The following NCKAP5 variants were observed in gnomAD, a reference collection of about 807,000 sequenced individuals.
NCKAP5 encodes NCK associated protein 5.
In NCKAP5, 92 loss-of-function variants were observed where a neutral mutation model predicts 167.0. The observed-to-expected ratio is 0.55, with a 90% CI of 0.47 to 0.66. NCKAP5 has a LOEUF of 0.66. Among genes scored for constraint, NCKAP5 ranks in the 30% least tolerant of loss-of-function variants. The pLI, the probability that NCKAP5 is intolerant of heterozygous loss-of-function variation, is 0.00. For synonymous variants in NCKAP5, 891 were observed against 877.4 expected (o/e 1.02, Z -0.27); for missense variants, 2,378 against 2,315.0 (o/e 1.03, Z -0.56).
intron 3 of NCKAP5, among the ~76,000 whole-genome samples, chr2:133,430,050 T>C (rs1201973057): frequency 6.6e-6 from 1 of 152,200 alleles, no homozygotes; most frequent in East Asian, 1.9e-4. Context: ...ATTGTGGTTT[T>C]GATTTCCATC....
chr2:132,766,096 A>C (rs2104896431), intron 16 of NCKAP5, among the ~76,000 whole-genome samples: 1 of 152,114 alleles, frequency 6.6e-6, no homozygotes, highest in East Asian at 1.9e-4. Context: ...CCTAGCCAAC[A>C]TGGTGAAACC....
At chr2:133,351,322 C>T (rs1057395538) in intron 3 of NCKAP5, among the ~76,000 whole-genome samples, 4 of 152,136 alleles carry the variant, frequency 2.6e-5, no homozygotes, top group African/African-American at 7.2e-5. Flanking sequence ...TGGAATGAGA[C>T]GGGCCCAAGT....
intron 3 of NCKAP5, among the ~76,000 whole-genome samples, chr2:133,371,930 T>C (rs1023620920): frequency 2.6e-5 from 4 of 152,188 alleles, no homozygotes; most frequent in Admixed American, 2.6e-4. Context: ...CAAATGCCTT[T>C]ATGCAACCGT....
chr2:133,392,471 C>A (rs142281327), intron 3 of NCKAP5, among the ~76,000 whole-genome samples: 1 of 152,132 alleles, frequency 6.6e-6, no homozygotes, highest in African/African-American at 2.4e-5. Context: ...CTGTAGTATA[C>A]GACTTTAAAA....
intron 6 of NCKAP5, among the ~76,000 whole-genome samples, chr2:133,024,582 A>G (rs2078633244): frequency 6.6e-6 from 1 of 152,250 alleles, no homozygotes; most frequent in African/African-American, 2.4e-5. Context: ...AGAAAGTTAT[A>G]CACTTATTTT....
In NCKAP5 at chr2:133,046,429, A is replaced by G. The variant is rs2079401422; in HGVS notation, c.342-52190T>C. On this transcript the variant is annotated intron_variant, in intron 6 of 19. Coordinates refer to ENST00000409261, the MANE Select transcript of NCKAP5 (RefSeq NM_207363.3). ...GAGTCTCCCTCTGTCCCCAGGCTGG[A>G]GTGGAGTGGTGTGATCATGGCTCAC... is the stretch of plus-strand genomic sequence containing the variant. 2.0e-5 allele frequency among the ~76,000 whole-genome samples: 3 copies of G among 152,094 alleles called. No individual in the cohort carries two copies. In the South Asian group the frequency reaches 6.2e-4, roughly 32 times the overall value.
chr2:132,967,620 C>T (rs559769137), intron 7 of NCKAP5, among the ~76,000 whole-genome samples: 3 of 152,074 alleles, frequency 2.0e-5, no homozygotes, highest in Non-Finnish European at 4.4e-5. Context: ...GGAAATGAGA[C>T]AAAAATTCAG....
chr2:132,740,980 C>G (rs939778773), intron 16 of NCKAP5, among the ~76,000 whole-genome samples: 2 of 152,030 alleles, frequency 1.3e-5, no homozygotes, highest in African/African-American at 4.8e-5. Flanking sequence ...CTTTGTCTGA[C>G]AGTAGCATCA....
At chr2:132,969,141 G>A (rs1325931476) in intron 7 of NCKAP5, among the ~76,000 whole-genome samples, 1 of 152,080 alleles carries the variant, frequency 6.6e-6, no homozygotes, top group Non-Finnish European at 1.5e-5. Flanking sequence ...GGGTACAGGC[G>A]ATTCTCCTGT....
chr2:133,581,536 C>T, the NCKAP5 span, among the ~76,000 whole-genome samples: 1 of 152,170 alleles, frequency 6.6e-6, no homozygotes. Flanking sequence ...AGTGGCAGGG[C>T]TGGGCCTCCA....
intron 5 of NCKAP5, among the ~76,000 whole-genome samples, chr2:133,141,606 C>A (rs551835257): frequency 1.3e-5 from 2 of 152,246 alleles, no homozygotes; most frequent in Non-Finnish European, 1.5e-5. Context: ...ACTACTGAAG[C>A]TTTTGTTTTA....
intron 6 of NCKAP5, among the ~76,000 whole-genome samples, chr2:133,003,976 C>T (rs192616818): frequency 2.7e-3 from 404 of 152,302 alleles, no homozygotes; most frequent in Non-Finnish European, 4.7e-3. Flanking sequence ...GATGGGCACT[C>T]AGAGAAGTCC....
chr2:132,695,441 T>C (rs533826293), intron 19 of NCKAP5, among the ~76,000 whole-genome samples: 1 of 152,302 alleles, frequency 6.6e-6, no homozygotes, highest in South Asian at 2.1e-4. Flanking sequence ...GCTGTCCTTA[T>C]GGGAGAAGTG....
chr2:133,399,088 A>C (rs1687934750), intron 3 of NCKAP5, among the ~76,000 whole-genome samples: 2 of 152,226 alleles, frequency 1.3e-5, no homozygotes, highest in Admixed American at 1.3e-4. Context: ...GCTGCTCGGC[A>C]GATGCATTTC....
chr2:133,550,075 T>C (rs1421989741), intron 2 of NCKAP5, among the ~76,000 whole-genome samples: 2 of 151,320 alleles, frequency 1.3e-5, no homozygotes, highest in African/African-American at 4.9e-5. Context: ...AATAGACCAA[T>C]AACAGGAGCT....
intron 11 of NCKAP5, among the ~76,000 whole-genome samples, chr2:132,826,291 T>G (rs1687119618): frequency 6.6e-6 from 1 of 152,234 alleles, no homozygotes; most frequent in South Asian, 2.1e-4. Flanking sequence ...CACAAAGGCA[T>G]AAACCCTTTA....
chr2:133,037,408 T>C (rs2079073644), intron 6 of NCKAP5, among the ~76,000 whole-genome samples: 1 of 152,036 alleles, frequency 6.6e-6, no homozygotes, highest in African/African-American at 2.4e-5. Flanking sequence ...TCTACAGAGG[T>C]ATAGTAAACA....
At chr2:133,586,659 C>A in the NCKAP5 span, among the ~76,000 whole-genome samples, 2 of 151,800 alleles carry the variant, frequency 1.3e-5, no homozygotes, top group East Asian at 1.9e-4. Context: ...TCTTTGTGAG[C>A]AAAGTGGTGG....
intron 5 of NCKAP5, among the ~76,000 whole-genome samples, chr2:133,188,900 C>A (rs1300730984): frequency 6.6e-6 from 1 of 152,042 alleles, no homozygotes; most frequent in East Asian, 1.9e-4. Flanking sequence ...CAAACACATT[C>A]AAAAGCTAGC....
Sources: allele counts gnomAD v4.1 joint callset (sites outside exome capture counted in the v4.1 genomes callset), GRCh38; gene constraint gnomAD v4.1.1; transcripts MANE v1.5; gene names NCBI Gene and HGNC (gene_info 2026-07-23, HGNC 2026-07-21).